The following SNX29 variants were observed in gnomAD, a reference collection of about 807,000 sequenced individuals.
The protein encoded by SNX29 is sorting nexin-29.
A neutral mutation model predicts 102.1 loss-of-function variants in SNX29; 78 were observed. The observed-to-expected ratio is 0.76, with a 90% CI of 0.64 to 0.92. The LOEUF (loss-of-function observed/expected upper bound fraction) is 0.92, where lower values mean the gene tolerates loss of function less well. Ranked by LOEUF, SNX29 falls within the 40% of genes least tolerant of loss-of-function variation. The probability of loss-of-function intolerance (pLI) is 0.00; values close to 1 mark genes in which losing one functional copy is unlikely to be tolerated. For synonymous variants in SNX29, 580 were observed against 414.5 expected (o/e 1.40, Z -4.85); for missense variants, 1,280 against 1,061.7 (o/e 1.21, Z -2.86).
intron 16 of SNX29, among the ~76,000 whole-genome samples, chr16:12,380,880 CCCACCATCCAT>C (rs1384420757): frequency 3.7e-5 from 4 of 106,840 alleles, no homozygotes; most frequent in Non-Finnish European, 5.9e-5. Flanking sequence ...TATCCATCCA[CCCACCATCCAT>C]CCACCTACCC....
At chr16:12,556,887 C>T (rs148471343) in intron 20 of SNX29, among the ~76,000 whole-genome samples, 8 of 148,570 alleles carry the variant, frequency 5.4e-5, no homozygotes, top group African/African-American at 1.8e-4. Flanking sequence ...GGGTCTCCGT[C>T]TGTCTCCTCA....
intron 14 of SNX29, among the ~76,000 whole-genome samples, chr16:12,222,422 C>A (rs2077501519): frequency 6.6e-6 from 1 of 152,178 alleles, no homozygotes; most frequent in African/African-American, 2.4e-5. Context: ...GGGAAAAAGA[C>A]CACTTGATAA....
At chr16:12,198,160 A>C (rs1297673962) in intron 13 of SNX29, among the ~76,000 whole-genome samples, 1 of 152,174 alleles carries the variant, frequency 6.6e-6, no homozygotes, top group East Asian at 1.9e-4. Context: ...GTGATTGTCA[A>C]AGCATGGAGG....
rs530520395 is a variant in SNX29, at chr16:12,536,343, C to T, written c.2318+11502C>T. Among the ~76,000 whole-genome samples the T allele has an allele frequency of 3.9e-5, 6 of 152,086 alleles. No homozygotes were observed. The South Asian group carries it at 1.2e-3, about 32-fold the overall frequency. ...AATTACTAATGCAGCAGGAAACAAG[C>T]CGTACTGTCAGGGTTGGGGGTAAAG... On this transcript the variant is annotated intron_variant, in intron 20 of 20. Coordinates refer to ENST00000566228, the MANE Select transcript of SNX29 (RefSeq NM_032167.5).
chr16:12,416,574 G>A (rs538283228), intron 18 of SNX29, among the ~76,000 whole-genome samples: 1 of 152,186 alleles, frequency 6.6e-6, no homozygotes, highest in Non-Finnish European at 1.5e-5. Flanking sequence ...ACCTGACGCT[G>A]GGTAGTTGAT....
intron 1 of SNX29, among the ~76,000 whole-genome samples, chr16:11,981,724 G>C (rs927801819): frequency 1.3e-5 from 2 of 152,080 alleles, no homozygotes; most frequent in Non-Finnish European, 2.9e-5. Flanking sequence ...AATGGCGCTA[G>C]GTAATATATA....
intron 19 of SNX29, among the ~76,000 whole-genome samples, chr16:12,507,765 A>T (rs1420829992): frequency 6.6e-6 from 1 of 152,108 alleles, no homozygotes; most frequent in Non-Finnish European, 1.5e-5. Context: ...CGTTAAAATA[A>T]CCCCTTTACC....
At chr16:12,216,643 C>T (rs200114335) in intron 14 of SNX29, among the ~76,000 whole-genome samples, 19 of 152,226 alleles carry the variant, frequency 1.2e-4, no homozygotes, top group East Asian at 9.7e-4. Context: ...GGGTGTTGGC[C>T]GAGAAAGTTC....
At position 12,048,346 on chromosome 16, in the gene SNX29, C is replaced by G. The variant is rs778513703; in HGVS notation, c.500-26C>G. 2.9e-5 allele frequency: 47 copies of G among 1,613,650 alleles called. No homozygotes were observed. In the South Asian group the frequency reaches 4.1e-4, roughly 14 times the overall value. On this transcript the variant is annotated intron_variant, in intron 6 of 20. Coordinates refer to ENST00000566228, the MANE Select transcript of SNX29 (RefSeq NM_032167.5). ...GTATGACTGCCCATCAGCAAGCACT[C>G]CAGACTTTTCCCTTTTTTTGGGCAG... is the stretch of plus-strand genomic sequence containing the variant.
intron 20 of SNX29, 143 bp downstream of exon 20, chr16:12,524,984 G>T: frequency 2.5e-6 from 3 of 1,213,126 alleles, no homozygotes; most frequent in Non-Finnish European, 2.3e-6. Context: ...GCTGTTCCAG[G>T]TGCCAAAGTG....
chr16:12,543,491 C>G (rs571366645), intron 20 of SNX29, among the ~76,000 whole-genome samples: 1 of 152,320 alleles, frequency 6.6e-6, no homozygotes, highest in South Asian at 2.1e-4. Context: ...GCCACAGCCA[C>G]CTGTGCTGGC....
At chr16:12,058,455 A>G (rs1489344225) in intron 8 of SNX29, among the ~76,000 whole-genome samples, 1 of 145,816 alleles carries the variant, frequency 6.9e-6, no homozygotes, top group Admixed American at 6.9e-5. Context: ...TTGAGGCAGT[A>G]GCCCTTGGGG....
chr16:12,486,880 C>T (rs765768084), intron 19 of SNX29, among the ~76,000 whole-genome samples: 1 of 152,112 alleles, frequency 6.6e-6, no homozygotes, highest in Non-Finnish European at 1.5e-5. Context: ...CCTGTTAATC[C>T]TAAACTTGTG....
At position 12,568,770 on chromosome 16, in the gene SNX29, A is replaced by G. The variant is rs2079120093; in HGVS notation, c.*141A>G. Reference sequence around the variant, plus strand: ...AGCACACGATTCCCAACAGTTACACAACACCCCGATTAAACTAATCAGTCT... The same window carrying G: ...AGCACACGATTCCCAACAGTTACACGACACCCCGATTAAACTAATCAGTCT... On this transcript the variant is annotated 3_prime_UTR_variant, in exon 21 of 21. Transcript: ENST00000566228. 8.5e-6 allele frequency: 11 copies of G among 1,292,656 alleles called. No homozygotes were observed. In the South Asian group the frequency reaches 1.3e-4, roughly 16 times the overall value. The allele number at this position is 1,292,656 out of a possible 1,614,324, so 80.1% of individuals were successfully genotyped here. A position where few individuals can be genotyped will look rare whatever the true frequency, so the allele number is the denominator to read the frequency against.
At chr16:12,125,605 C>CTCTTTTTTTT in intron 11 of SNX29, among the ~76,000 whole-genome samples, 1 of 45,454 alleles carries the variant, frequency 2.2e-5, no homozygotes, top group South Asian at 8.4e-4. Context: ...TGAGATCTCT[C>CTCTTTTTTTT]TTTTTTTTTT....
rs956017804 is a variant in SNX29 at position 12,570,999 on chromosome 16, C to T, written c.*2370C>T. 1.3e-5 allele frequency: 3 copies of T among 232,550 alleles called. No individual in the cohort carries two copies. The highest frequency in any genetic ancestry group is 2.2e-5 in the African/African-American group (1 of 45,312). 14.4% of individuals were successfully genotyped at this position (232,550 alleles called of 1,614,324 possible). A position where few individuals can be genotyped will look rare whatever the true frequency, so the allele number is the denominator to read the frequency against. On this transcript the variant is annotated 3_prime_UTR_variant, in exon 21 of 21. Transcript: ENST00000566228. ...TACCTCCCCCATGATCATGCACAGACCGTAGAGTCGAGTCATCTCGCAGAT... is the reference window on the plus strand; with the variant it reads ...TACCTCCCCCATGATCATGCACAGATCGTAGAGTCGAGTCATCTCGCAGAT...
chr16:12,557,997 T>C (rs1416123460), intron 20 of SNX29, among the ~76,000 whole-genome samples: 1 of 152,148 alleles, frequency 6.6e-6, no homozygotes, highest in Non-Finnish European at 1.5e-5. Context: ...CCACGGTTGG[T>C]TGGGCTGGGT....
At chr16:12,556,868 T>C (rs2078387318) in intron 20 of SNX29, among the ~76,000 whole-genome samples, 2 of 152,098 alleles carry the variant, frequency 1.3e-5, no homozygotes, top group Non-Finnish European at 2.9e-5. Context: ...ATTTTTTTTT[T>C]TTGAGATAGG....
rs1004952846 is a variant in SNX29, at chr16:12,572,805, G to T, written c.*4176G>T. ...TCACTCCTCCTTCCCCAGTACATCA[G>T]ACTGGTTAGGAGGCATCCCAGAAGG... On this transcript the variant is annotated 3_prime_UTR_variant, in exon 21 of 21. Transcript: ENST00000566228. 3 of 1,063,294 alleles carry T rather than the reference G, an allele frequency of 2.8e-6. No individual in the cohort carries two copies. The highest frequency in any genetic ancestry group is 4.6e-5 in the South Asian group (1 of 21,976). 65.9% of individuals were successfully genotyped at this position (1,063,294 alleles called of 1,614,324 possible).
Sources: allele counts gnomAD v4.1 joint callset (sites outside exome capture counted in the v4.1 genomes callset), GRCh38; gene constraint gnomAD v4.1.1; transcripts MANE v1.5; gene names NCBI Gene and HGNC (gene_info 2026-07-23, HGNC 2026-07-21).